Variants in CNTN5 observed in about 807,000 individuals in gnomAD.
CNTN5 encodes contactin 5.
Under a neutral mutation model 129.1 loss-of-function variants are expected in CNTN5, and 77 were observed. The ratio of observed to expected loss-of-function variants is 0.60; its 90% confidence interval spans 0.50 to 0.72. CNTN5 has a LOEUF of 0.72. CNTN5 is among the 30% of genes least tolerant of loss of function. CNTN5 has a pLI of 0.00. For missense variants in CNTN5, 1,478 were observed against 1,328.8 expected, an observed-to-expected ratio of 1.11 and a Z score of -1.75; for synonymous variants, 509 against 465.6, an observed-to-expected ratio of 1.09 and a Z score of -1.20.
chr11:100,031,993 A>T (rs896057882), intron 9 of CNTN5, among the ~76,000 whole-genome samples: 71 of 151,922 alleles, frequency 4.7e-4, no homozygotes, highest in African/African-American at 1.6e-3. Flanking sequence ...TTATTTCTCA[A>T]CCTGCCGATC....
At chr11:99,542,018 A>G (rs78283302) in intron 2 of CNTN5, among the ~76,000 whole-genome samples, 4,327 of 151,816 alleles carry the variant, frequency 0.029, 88 homozygotes, top group Middle Eastern at 0.093. Flanking sequence ...AATATTTTCA[A>G]TAATTTACTT....
chr11:100,005,299 C>T (rs1940124374), intron 9 of CNTN5, among the ~76,000 whole-genome samples: 1 of 152,122 alleles, frequency 6.6e-6, no homozygotes, highest in Non-Finnish European at 1.5e-5. Flanking sequence ...ATACTCTGCA[C>T]CTGTATCTCC....
chr11:99,730,416 T>A (rs1943491499), intron 3 of CNTN5, among the ~76,000 whole-genome samples: 1 of 152,230 alleles, frequency 6.6e-6, no homozygotes, highest in South Asian at 2.1e-4. Flanking sequence ...AATAAAGATC[T>A]GTTCAAGACT....
At chr11:99,511,488 G>A (rs1234724470) in intron 2 of CNTN5, among the ~76,000 whole-genome samples, 5 of 151,940 alleles carry the variant, frequency 3.3e-5, no homozygotes, top group Non-Finnish European at 7.4e-5. Flanking sequence ...TGGAATAGGT[G>A]TGGTGTGGTG....
rs1344336334 is a variant in CNTN5, at chr11:100,356,979, T to C, written c.*759T>C. The C allele has an allele frequency of 6.6e-6, 1 of 151,750 alleles. No individual in the cohort carries two copies. The highest frequency in any genetic ancestry group is 1.5e-5 in the Non-Finnish European group (1 of 67,820). 9.4% of individuals were successfully genotyped at this position (151,750 alleles called of 1,614,324 possible). ...AATATTTATTTTTAATAACAAAAGA[T>C]GGTTTAACATCACCAAAAAATATGA... is the stretch of plus-strand genomic sequence containing the variant. On this transcript the variant is annotated 3_prime_UTR_variant, in exon 25 of 25. Coordinates refer to ENST00000524871, the MANE Select transcript of CNTN5 (RefSeq NM_014361.4).
intron 2 of CNTN5, among the ~76,000 whole-genome samples, chr11:99,523,150 C>G (rs1316244460): frequency 2.6e-5 from 4 of 152,340 alleles, no homozygotes; most frequent in Admixed American, 2.0e-4. Context: ...CCCCGTACAG[C>G]CTTTCTCATC....
intron 1 of CNTN5, among the ~76,000 whole-genome samples, chr11:99,190,879 G>T (rs1461521048): frequency 6.6e-6 from 1 of 151,478 alleles, no homozygotes; most frequent in Non-Finnish European, 1.5e-5. Flanking sequence ...CTAGGATTAT[G>T]TTGAATAGAA....
chr11:99,945,266 T>C (rs748048244), intron 7 of CNTN5, among the ~76,000 whole-genome samples: 1 of 152,096 alleles, frequency 6.6e-6, no homozygotes, highest in Non-Finnish European at 1.5e-5. Flanking sequence ...ACATATACTA[T>C]AAAATTTACA....
intron 3 of CNTN5, among the ~76,000 whole-genome samples, chr11:99,745,151 T>C (rs1944013959): frequency 6.6e-6 from 1 of 152,194 alleles, no homozygotes. Context: ...AACGATTCCC[T>C]GATGGGCATG....
chr11:99,767,111 ATCTC>A (rs774940204), intron 3 of CNTN5, among the ~76,000 whole-genome samples: 3 of 151,932 alleles, frequency 2.0e-5, no homozygotes, highest in African/African-American at 7.2e-5. Flanking sequence ...ATATGTCTGC[ATCTC>A]TCTCTCTCTT....
intron 3 of CNTN5, among the ~76,000 whole-genome samples, chr11:99,788,491 T>A (rs770329374): frequency 6.6e-6 from 1 of 151,972 alleles, no homozygotes; most frequent in Non-Finnish European, 1.5e-5. Context: ...TATTTTTATG[T>A]CATTCCCTTT....
At chr11:100,316,393 G>A (rs2138946084) in intron 21 of CNTN5, among the ~76,000 whole-genome samples, 1 of 152,262 alleles carries the variant, frequency 6.6e-6, no homozygotes, top group East Asian at 1.9e-4. Flanking sequence ...GTCTAATATT[G>A]AGGGAGGTTT....
chr11:99,333,771 C>CTT (rs1866100247), intron 2 of CNTN5, among the ~76,000 whole-genome samples: 1 of 151,978 alleles, frequency 6.6e-6, no homozygotes, highest in Non-Finnish European at 1.5e-5. Flanking sequence ...ATACAATAGA[C>CTT]TTTCCCATAG....
intron 1 of CNTN5, among the ~76,000 whole-genome samples, chr11:99,152,265 A>T (rs1215121144): frequency 1.3e-5 from 2 of 152,220 alleles, no homozygotes; most frequent in Non-Finnish European, 2.9e-5. Context: ...TAGTATAGCA[A>T]CTTAAGAACT....
At chr11:100,220,563 T>C (rs1565351394) in intron 15 of CNTN5, among the ~76,000 whole-genome samples, 2 of 152,156 alleles carry the variant, frequency 1.3e-5, no homozygotes, top group South Asian at 4.1e-4. Context: ...AAAATATTGA[T>C]ACCCAGTTTG....
At chr11:99,371,506 C>G (rs1027666593) in intron 2 of CNTN5, among the ~76,000 whole-genome samples, 7 of 152,002 alleles carry the variant, frequency 4.6e-5, no homozygotes, top group Non-Finnish European at 8.8e-5. Context: ...GTTCAGTGAT[C>G]TTACATGACT....
chr11:99,966,716 G>A lies in CNTN5; in HGVS notation c.877+9707G>A, dbSNP rs544902764. ...GTATCTGAAACATAGATGGTAGTGA[G>A]CGTAGATCATTTTCACAGCCCTAGC... On this transcript the variant is annotated intron_variant, in intron 8 of 24. Transcript: ENST00000524871. Among the ~76,000 whole-genome samples, 12 of 152,324 alleles carry A rather than the reference G, an allele frequency of 7.9e-5. No individual in the cohort carries two copies. The East Asian group carries it at 2.3e-3, about 29-fold the overall frequency.
chr11:99,699,165 G>C (rs1232831901), intron 3 of CNTN5, among the ~76,000 whole-genome samples: 1 of 151,164 alleles, frequency 6.6e-6, no homozygotes, highest in Non-Finnish European at 1.5e-5. Flanking sequence ...TGATTTTCCT[G>C]AACAATTTCT....
At chr11:100,050,208 A>T (rs1216729853) in intron 9 of CNTN5, among the ~76,000 whole-genome samples, 1 of 152,212 alleles carries the variant, frequency 6.6e-6, no homozygotes, top group Non-Finnish European at 1.5e-5. Context: ...CACAATAGCA[A>T]AGAATTGGAA....
Sources: allele counts gnomAD v4.1 joint callset (sites outside exome capture counted in the v4.1 genomes callset), GRCh38; gene constraint gnomAD v4.1.1; transcripts MANE v1.5; gene names NCBI Gene and HGNC (gene_info 2026-07-23, HGNC 2026-07-21).